The following LIMA1 variants were observed in gnomAD, a reference collection of about 807,000 sequenced individuals.
The protein encoded by LIMA1 is LIM domain and actin binding 1, also known as LIM domain and actin-binding protein 1.
LIMA1 carries 52 observed loss-of-function variants against 62.6 expected under a neutral mutation model. The observed-to-expected ratio is 0.83, with a 90% CI of 0.67 to 1.05. LIMA1 has a LOEUF of 1.05. Among genes scored for constraint, LIMA1 ranks in the 50% least tolerant of loss-of-function variants. The probability of loss-of-function intolerance (pLI) is 0.00; values close to 1 mark genes in which losing one functional copy is unlikely to be tolerated. For synonymous variants in LIMA1, 302 were observed against 317.8 expected (o/e 0.95, Z 0.53); for missense variants, 780 against 902.2 (o/e 0.86, Z 1.74).
At chr12:50,209,852 G>A (rs534758593) in intron 4 of LIMA1, among the ~76,000 whole-genome samples, 20 of 152,018 alleles carry the variant, frequency 1.3e-4, no homozygotes, top group African/African-American at 4.6e-4. Flanking sequence ...TGGTAGAGTT[G>A]GGGTTTCACC....
intron 3 of LIMA1, among the ~76,000 whole-genome samples, chr12:50,227,928 T>C (rs1941556622): frequency 6.6e-6 from 1 of 151,532 alleles, no homozygotes. Context: ...GGCGCGGTCT[T>C]GGCTCACTGC....
intron 2 of LIMA1, among the ~76,000 whole-genome samples, chr12:50,238,866 T>C (rs976831599): frequency 2.8e-5 from 4 of 143,852 alleles, no homozygotes; most frequent in African/African-American, 1.0e-4. Context: ...AAAAAAAAAA[T>C]CATGAAGAAA....
At chr12:50,268,795 T>C (rs1942170403) in intron 1 of LIMA1, among the ~76,000 whole-genome samples, 1 of 152,196 alleles carries the variant, frequency 6.6e-6, no homozygotes, top group Non-Finnish European at 1.5e-5. Context: ...CTAGAAATGT[T>C]CAATAACTTG....
intron 1 of LIMA1, among the ~76,000 whole-genome samples, chr12:50,281,869 G>A (rs1179642865): frequency 2.6e-5 from 4 of 152,290 alleles, no homozygotes; most frequent in Non-Finnish European, 4.4e-5. Flanking sequence ...ACCCTGGGCT[G>A]ACCTCTAGTA....
chr12:50,243,586 T>C (rs1040976855), intron 2 of LIMA1, among the ~76,000 whole-genome samples: 1 of 152,208 alleles, frequency 6.6e-6, no homozygotes, highest in Non-Finnish European at 1.5e-5. Context: ...GTATAAAACC[T>C]AGAACAGAAA....
intron 1 of LIMA1, among the ~76,000 whole-genome samples, chr12:50,259,528 A>G (rs914256236): frequency 2.0e-5 from 3 of 152,216 alleles, no homozygotes; most frequent in Admixed American, 6.5e-5. Context: ...GTTATGAGGA[A>G]GCATATATTT....
At chr12:50,251,701 A>T (rs1300457973) in intron 1 of LIMA1, among the ~76,000 whole-genome samples, 1 of 151,914 alleles carries the variant, frequency 6.6e-6, no homozygotes, top group Non-Finnish European at 1.5e-5. Flanking sequence ...CACGATAAAG[A>T]AAAAAAAGGT....
At chr12:50,206,239 C>T (rs941819029) in intron 4 of LIMA1, among the ~76,000 whole-genome samples, 171 bp from the exon 5 acceptor site, 2 of 151,942 alleles carry the variant, frequency 1.3e-5, no homozygotes, top group African/African-American at 4.8e-5. Flanking sequence ...TCACAGGTGC[C>T]CAGGGAAAAA....
intron 2 of LIMA1, chr12:50,234,019 T>G (rs1050883532): frequency 2.6e-5 from 11 of 424,950 alleles, no homozygotes; most frequent in Non-Finnish European, 5.2e-5. Flanking sequence ...TGATGACATC[T>G]TAGATTTCAT....
intron 1 of LIMA1, among the ~76,000 whole-genome samples, chr12:50,265,526 A>C (rs1440491723): frequency 6.6e-6 from 1 of 152,224 alleles, no homozygotes; most frequent in African/African-American, 2.4e-5. Flanking sequence ...ATCTCAAAAA[A>C]AAAAAAAATT....
At chr12:50,191,264 T>C (rs1464036775) in intron 9 of LIMA1, 1 of 151,114 alleles carries the variant, frequency 6.6e-6, no homozygotes, top group East Asian at 2.0e-4. Flanking sequence ...CTCATGCCTA[T>C]AATCCCATCC....
chr12:50,235,340 G>C (rs1027257377), intron 2 of LIMA1, among the ~76,000 whole-genome samples: 1 of 144,122 alleles, frequency 6.9e-6, no homozygotes, highest in Non-Finnish European at 1.5e-5. Context: ...GTATAGTGGT[G>C]TAATCTCGGC....
At chr12:50,232,428 A>G (rs1174243404) in intron 2 of LIMA1, among the ~76,000 whole-genome samples, 1 of 145,966 alleles carries the variant, frequency 6.9e-6, no homozygotes, top group African/African-American at 2.6e-5. Context: ...GAAGTTCAGT[A>G]GCGTGATCTT....
At chr12:50,191,208 T>C (rs1043889506) in intron 9 of LIMA1, 1 of 151,214 alleles carries the variant, frequency 6.6e-6, no homozygotes, top group Non-Finnish European at 1.5e-5. Flanking sequence ...TCTCGTCCAA[T>C]GTGCTGATTT....
At chr12:50,279,138 TG>T in intron 1 of LIMA1, among the ~76,000 whole-genome samples, 1 of 151,534 alleles carries the variant, frequency 6.6e-6, no homozygotes, top group Non-Finnish European at 1.5e-5. Flanking sequence ...CCTTAGTAGC[TG>T]GGACTACAGG....
chr12:50,185,289 T>C (rs1940605389), intron 9 of LIMA1: 2 of 445,480 alleles, frequency 4.5e-6, no homozygotes, highest in Non-Finnish European at 9.0e-6. Flanking sequence ...CACTCCTCCA[T>C]CACAAACACA....
chr12:50,181,877 C>T, intron 10 of LIMA1, 27 bp downstream of exon 10: 3 of 1,613,770 alleles, frequency 1.9e-6, no homozygotes, highest in Non-Finnish European at 2.5e-6. Flanking sequence ...CAGTTATAGA[C>T]AGATGGCTTG....
intron 4 of LIMA1, among the ~76,000 whole-genome samples, chr12:50,209,584 A>G (rs977217669): frequency 4.0e-5 from 5 of 125,972 alleles, no homozygotes; most frequent in African/African-American, 1.3e-4. Context: ...AAAAAAAAAA[A>G]AAAGAAAAAA....
chr12:50,218,895 T>TTAAAAA (rs1941394468), intron 4 of LIMA1, among the ~76,000 whole-genome samples: 1 of 73,998 alleles, frequency 1.4e-5, no homozygotes, highest in African/African-American at 4.9e-5. Flanking sequence ...CCTATCTCCA[T>TTAAAAA]AAAAAAAAAA....
Sources: allele counts gnomAD v4.1 joint callset (sites outside exome capture counted in the v4.1 genomes callset), GRCh38; gene constraint gnomAD v4.1.1; transcripts MANE v1.5; gene names NCBI Gene and HGNC (gene_info 2026-07-23, HGNC 2026-07-21).